The following CCSER1 variants were observed in gnomAD, a reference collection of about 807,000 sequenced individuals.
The protein encoded by CCSER1 is coiled-coil serine rich protein 1, also known as serine-rich coiled-coil domain-containing protein 1.
In CCSER1, 41 loss-of-function variants were observed where a neutral mutation model predicts 82.0. That is an observed-to-expected ratio of 0.50 (90% CI 0.39 to 0.65). CCSER1 has a LOEUF of 0.65. Among genes scored for constraint, CCSER1 ranks in the 30% least tolerant of loss-of-function variants. The pLI is 0.00. For missense variants in CCSER1, 1,119 were observed against 1,064.2 expected (o/e 1.05, Z -0.72); for synonymous variants, 414 against 383.9 (o/e 1.08, Z -0.92).
intron 8 of CCSER1, among the ~76,000 whole-genome samples, chr4:90,860,660 A>G (rs1764978559): frequency 6.6e-6 from 1 of 151,810 alleles, no homozygotes; most frequent in African/African-American, 2.4e-5. Flanking sequence ...ATTTAAAAAT[A>G]TGGTATATTC....
At chr4:90,477,996 G>A (rs2153595462) in intron 5 of CCSER1, among the ~76,000 whole-genome samples, 1 of 152,192 alleles carries the variant, frequency 6.6e-6, no homozygotes, top group East Asian at 1.9e-4. Context: ...CTGAAAACTT[G>A]AAGTCTAGAA....
intron 5 of CCSER1, among the ~76,000 whole-genome samples, chr4:90,604,982 AGC>A (rs1483568431): frequency 6.7e-6 from 1 of 149,040 alleles, no homozygotes; most frequent in African/African-American, 2.6e-5. Context: ...CCCAGCCAGC[AGC>A]GGCAACTGAG....
chr4:90,829,024 G>A (rs1760817755), intron 8 of CCSER1, among the ~76,000 whole-genome samples: 1 of 152,034 alleles, frequency 6.6e-6, no homozygotes, highest in Admixed American at 6.6e-5. Flanking sequence ...TGCAAAATGG[G>A]TATCACCAGA....
chr4:90,971,233 G>A (rs990129597), intron 9 of CCSER1, among the ~76,000 whole-genome samples: 2 of 151,892 alleles, frequency 1.3e-5, no homozygotes, highest in Non-Finnish European at 2.9e-5. Flanking sequence ...TGGCTAGGGA[G>A]GCCTCAGGAA....
At chr4:90,828,822 G>A (rs17017709) in intron 8 of CCSER1, among the ~76,000 whole-genome samples, 6,489 of 152,110 alleles carry the variant, frequency 0.043, 417 homozygotes, top group African/African-American at 0.14. Context: ...AATTTATATC[G>A]TATTTTTTGC....
intron 10 of CCSER1, chr4:91,112,687 C>A (rs1412185027): frequency 6.6e-6 from 1 of 152,126 alleles, no homozygotes; most frequent in Non-Finnish European, 1.5e-5. Context: ...TATCTCAATT[C>A]GTGTTGAATG....
At chr4:90,776,676 C>T (rs1216967732) in intron 7 of CCSER1, among the ~76,000 whole-genome samples, 1 of 152,170 alleles carries the variant, frequency 6.6e-6, no homozygotes, top group South Asian at 2.1e-4. Context: ...TGTATTAACA[C>T]GTTAGTGTTC....
chr4:90,422,648 G>GA lies in CCSER1; in HGVS notation c.1603+22528dup, dbSNP rs575094496. On this transcript the variant is annotated intron_variant, in intron 4 of 10. Transcript: ENST00000509176. ...TCATAGAGACCCTGTTTCGAAAACAGAAAAAAAAACACCAAACGAACAAAC... is the reference window on the plus strand; with the variant it reads ...TCATAGAGACCCTGTTTCGAAAACAGAAAAAAAAAACACCAAACGAACAAAC... Among the ~76,000 whole-genome samples, 72 of 148,962 alleles carry GA rather than the reference G, an allele frequency of 4.8e-4. 1 individual carries two copies. The highest frequency in any genetic ancestry group is 3.1e-3 in the East Asian group (16 of 5,096).
intron 10 of CCSER1, among the ~76,000 whole-genome samples, chr4:91,297,385 ATG>A (rs57164334): frequency 0.056 from 6,599 of 117,716 alleles, 149 homozygotes; most frequent in African/African-American, 0.069. Context: ...GTGTGTGTGT[ATG>A]TGTGTGTGTG....
intron 9 of CCSER1, among the ~76,000 whole-genome samples, chr4:91,022,493 A>C (rs965112362): frequency 2.6e-5 from 4 of 152,190 alleles, no homozygotes; most frequent in Admixed American, 2.6e-4. Flanking sequence ...TCTTTATAGC[A>C]GCATGATTTA....
chr4:90,831,913 A>G (rs1203066160), intron 8 of CCSER1, among the ~76,000 whole-genome samples: 1 of 152,018 alleles, frequency 6.6e-6, no homozygotes, highest in Non-Finnish European at 1.5e-5. Context: ...TCCAATTTTT[A>G]TATAGCAGAA....
rs527766431 is a variant in CCSER1, at chr4:91,089,901, C to A, written c.2217+3907C>A. Among the ~76,000 whole-genome samples, 98 of 152,290 alleles carry A rather than the reference C, an allele frequency of 6.4e-4. 1 individual carries two copies. Among genetic ancestry groups the A allele is most frequent in the Admixed American group, 5.1e-3 (78 of 15,286 alleles). On this transcript the variant is annotated intron_variant, in intron 10 of 10. Transcript: ENST00000509176. ...TTAGTAAGGTTAAATTTTCCACAAA[C>A]TCCTCCTTCAGCTGCTAGCAAGTAG...
intron 10 of CCSER1, among the ~76,000 whole-genome samples, chr4:91,531,561 G>A (rs1761031461): frequency 6.6e-6 from 1 of 152,270 alleles, no homozygotes; most frequent in East Asian, 1.9e-4. Context: ...ATAGTAAATT[G>A]TTAGTTACTC....
chr4:90,461,217 C>T (rs541225914), intron 4 of CCSER1, among the ~76,000 whole-genome samples: 1 of 139,392 alleles, frequency 7.2e-6, no homozygotes, highest in East Asian at 1.9e-4. Flanking sequence ...AGGCGCCCGC[C>T]ACTACGCCCG....
chr4:91,373,573 G>A (rs1750190551), intron 10 of CCSER1, among the ~76,000 whole-genome samples: 2 of 152,016 alleles, frequency 1.3e-5, no homozygotes, highest in African/African-American at 4.8e-5. Flanking sequence ...ACTGCTCCAC[G>A]GACTTGCCTT....
intron 5 of CCSER1, among the ~76,000 whole-genome samples, chr4:90,495,505 G>C (rs971039734): frequency 3.9e-5 from 6 of 151,986 alleles, no homozygotes; most frequent in African/African-American, 1.4e-4. Context: ...ATAGACGACT[G>C]GGTGCTTGAA....
At chr4:90,276,261 T>C (rs1479198770) in intron 1 of CCSER1, among the ~76,000 whole-genome samples, 1 of 110,704 alleles carries the variant, frequency 9.0e-6, no homozygotes, top group African/African-American at 3.9e-5. Context: ...TTTCCTTCCT[T>C]CCTTCCTTCC....
chr4:90,657,599 T>A (rs532865644), intron 6 of CCSER1, among the ~76,000 whole-genome samples: 24 of 152,320 alleles, frequency 1.6e-4, no homozygotes, highest in African/African-American at 5.3e-4. Flanking sequence ...TCAGAGAATT[T>A]TATCTGACCT....
At chr4:90,327,142 T>C (rs957757358) in intron 3 of CCSER1, among the ~76,000 whole-genome samples, 7 of 152,172 alleles carry the variant, frequency 4.6e-5, no homozygotes, top group African/African-American at 1.7e-4. Flanking sequence ...AGACACCATT[T>C]TCCCCTGTAA....
Sources: allele counts gnomAD v4.1 joint callset (sites outside exome capture counted in the v4.1 genomes callset), GRCh38; gene constraint gnomAD v4.1.1; transcripts MANE v1.5; gene names NCBI Gene and HGNC (gene_info 2026-07-23, HGNC 2026-07-21).